The following GRID2 variants were observed in gnomAD, a reference collection of about 807,000 sequenced individuals.
GRID2 encodes glutamate receptor ionotropic, delta-2.
In GRID2, 33 loss-of-function variants were observed where a neutral mutation model predicts 114.8. The observed-to-expected ratio is 0.29, with a 90% CI of 0.22 to 0.38. The LOEUF is 0.38. GRID2 is among the 10% of genes least tolerant of loss of function. GRID2 has a pLI of 1.00. For missense variants in GRID2, 1,184 were observed against 1,257.7 expected, an observed-to-expected ratio of 0.94 and a Z score of 0.89; for synonymous variants, 505 against 449.9, an observed-to-expected ratio of 1.12 and a Z score of -1.55.
intron 8 of GRID2, chr4:93,258,984 C>G: frequency 2.3e-6 from 1 of 433,738 alleles, no homozygotes; most frequent in South Asian, 1.7e-5. Context: ...GACTAGAGTA[C>G]CACTGAGGCA....
intron 7 of GRID2, among the ~76,000 whole-genome samples, chr4:93,227,337 C>A (rs539141245): frequency 1.3e-5 from 2 of 152,166 alleles, no homozygotes; most frequent in African/African-American, 4.8e-5. Flanking sequence ...AAGTGATTCT[C>A]CAGCCCCAGC....
At chr4:93,474,167 T>C (rs980358724) in intron 11 of GRID2, among the ~76,000 whole-genome samples, 2 of 152,156 alleles carry the variant, frequency 1.3e-5, no homozygotes, top group Non-Finnish European at 2.9e-5. Flanking sequence ...GTTTATATAC[T>C]ACTACTAAAA....
chr4:92,724,161 A>G (rs1048899265), intron 2 of GRID2, among the ~76,000 whole-genome samples: 4 of 152,168 alleles, frequency 2.6e-5, no homozygotes, highest in African/African-American at 9.6e-5. Context: ...GATGGCCTCA[A>G]TGATATTCAA....
At chr4:92,733,691 G>A (rs1225506946) in intron 2 of GRID2, among the ~76,000 whole-genome samples, 1 of 152,066 alleles carries the variant, frequency 6.6e-6, no homozygotes, top group African/African-American at 2.4e-5. Context: ...CAATTCCATA[G>A]CACTTATCAA....
rs559507837 is a variant in GRID2, at chr4:93,595,235, G to A, written c.2194-31034G>A. Among the ~76,000 whole-genome samples, 30 of 152,276 alleles carry A rather than the reference G, an allele frequency of 2.0e-4. No individual in the cohort carries two copies. The South Asian group carries it at 4.8e-3, about 24-fold the overall frequency. The stretch of plus-strand genomic sequence containing the variant: ...TGTCGATTGTTCATGAAATTCCTTA[G>A]CATTTAGTTGTGGCCTCTCTTATGA... On this transcript the variant is annotated intron_variant, in intron 13 of 15. Transcript: ENST00000282020.
chr4:92,502,701 A>AGTTCTTTTTTTTTTTTTTTT (rs1409542980), intron 1 of GRID2, among the ~76,000 whole-genome samples: 1 of 105,226 alleles, frequency 9.5e-6, no homozygotes. Context: ...ATGCCATGTG[A>AGTTCTTTTTTTTTTTTTTTT]TTTCTTTTTT....
At chr4:92,998,095 C>T (rs1755316781) in intron 2 of GRID2, among the ~76,000 whole-genome samples, 1 of 151,958 alleles carries the variant, frequency 6.6e-6, no homozygotes, top group Non-Finnish European at 1.5e-5. Context: ...GTTATGTAGA[C>T]ATTTGGGTTG....
At chr4:92,535,692 C>T (rs560634495) in intron 1 of GRID2, among the ~76,000 whole-genome samples, 66 of 152,234 alleles carry the variant, frequency 4.3e-4, no homozygotes, top group Non-Finnish European at 7.8e-4. Flanking sequence ...GTGAACCTGC[C>T]CTAGAAATCT....
chr4:93,065,872 C>T (rs573007921), intron 2 of GRID2, among the ~76,000 whole-genome samples: 1 of 151,968 alleles, frequency 6.6e-6, no homozygotes, highest in South Asian at 2.1e-4. Flanking sequence ...TTTCTGGATT[C>T]CGTTGACTTG....
intron 1 of GRID2, among the ~76,000 whole-genome samples, chr4:93,783,314 A>C (rs996324911): frequency 1.3e-5 from 2 of 152,230 alleles, no homozygotes; most frequent in African/African-American, 4.8e-5. Flanking sequence ...AAGTTAAGTA[A>C]TTTGGTTGAG....
At chr4:92,769,445 C>T (rs764736190) in intron 2 of GRID2, among the ~76,000 whole-genome samples, 3 of 152,076 alleles carry the variant, frequency 2.0e-5, no homozygotes, top group East Asian at 1.9e-4. Context: ...GTATGGTAGC[C>T]CTCTTCTTCC....
chr4:92,310,469 A>C (rs528315043), intron 1 of GRID2, among the ~76,000 whole-genome samples: 13 of 152,148 alleles, frequency 8.5e-5, no homozygotes, highest in African/African-American at 2.4e-4. Context: ...AAGATAAGAA[A>C]AAATACTAAA....
chr4:93,690,420 G>A (rs938715641), intron 14 of GRID2, among the ~76,000 whole-genome samples: 2 of 151,930 alleles, frequency 1.3e-5, no homozygotes, highest in African/African-American at 4.8e-5. Flanking sequence ...TAACACTGCA[G>A]TGAACATATT....
intron 14 of GRID2, among the ~76,000 whole-genome samples, chr4:93,732,328 C>A (rs887217914): frequency 2.0e-5 from 3 of 152,168 alleles, no homozygotes; most frequent in Non-Finnish European, 4.4e-5. Flanking sequence ...AGCTCAGTAA[C>A]TCTTTAAGTT....
At chr4:93,731,197 C>T (rs1228933752) in intron 14 of GRID2, among the ~76,000 whole-genome samples, 3 of 152,098 alleles carry the variant, frequency 2.0e-5, no homozygotes, top group African/African-American at 7.2e-5. Flanking sequence ...TGAGAACCCA[C>T]AGGAGCAGGT....
At chr4:92,562,233 C>A (rs1481381230) in intron 1 of GRID2, among the ~76,000 whole-genome samples, 1 of 152,016 alleles carries the variant, frequency 6.6e-6, no homozygotes, top group African/African-American at 2.4e-5. Context: ...TAGACTGAGG[C>A]CATTGCAATA....
chr4:92,596,418 C>T (rs945867626), intron 2 of GRID2, among the ~76,000 whole-genome samples: 1 of 152,054 alleles, frequency 6.6e-6, no homozygotes, highest in African/African-American at 2.4e-5. Flanking sequence ...CAGCCATCTC[C>T]AAACACCTGC....
At chr4:92,517,021 TATAAAC>T (rs1724533279) in intron 1 of GRID2, among the ~76,000 whole-genome samples, 1 of 145,880 alleles carries the variant, frequency 6.9e-6, no homozygotes, top group Admixed American at 6.9e-5. Flanking sequence ...AAGAGAAACT[TATAAAC>T]ATATCTGGGA....
intron 8 of GRID2, chr4:93,319,646 G>C (rs1036833150): frequency 6.6e-6 from 1 of 152,012 alleles, no homozygotes; most frequent in African/African-American, 2.4e-5. Context: ...TAGTAGAGGA[G>C]GAAATCAGAG....
Sources: allele counts gnomAD v4.1 joint callset (sites outside exome capture counted in the v4.1 genomes callset), GRCh38; gene constraint gnomAD v4.1.1; transcripts MANE v1.5; gene names NCBI Gene and HGNC (gene_info 2026-07-23, HGNC 2026-07-21).